The following RNF32 variants were observed in gnomAD, a reference collection of about 807,000 sequenced individuals.
The protein encoded by RNF32 is ring finger protein 32.
Under a neutral mutation model 41.0 loss-of-function variants are expected in RNF32, and 36 were observed. The observed-to-expected ratio is 0.88, with a 90% confidence interval of 0.67 to 1.16. The LOEUF is 1.16. Among genes scored for constraint, RNF32 ranks in the 50% most tolerant of loss-of-function variants. The pLI is 0.00. For missense variants in RNF32, 413 were observed against 436.7 expected, an observed-to-expected ratio of 0.95 and a Z score of 0.48; for synonymous variants, 154 against 160.9, an observed-to-expected ratio of 0.96 and a Z score of 0.32.
rs199688114 is a variant in RNF32, at chr7:156,646,861, G to GT, written c.274+2112dup. Among the ~76,000 whole-genome samples, 376 of 151,814 alleles carry GT rather than the reference G, an allele frequency of 2.5e-3. 11 individuals carry two copies. In the East Asian group the frequency reaches 0.055, roughly 22 times the overall value. On this transcript the variant is annotated intron_variant, in intron 3 of 8. Coordinates refer to ENST00000317955, the MANE Select transcript of RNF32 (RefSeq NM_030936.4). ...TCATGTTGAAATTTCATTTTGTTTT[G>GT]TTTTTTTTGAGATGGAGTCTTGCTC...
chr7:156,651,466 G>A (rs887563343), intron 3 of RNF32, among the ~76,000 whole-genome samples: 30 of 152,024 alleles, frequency 2.0e-4, no homozygotes, highest in Non-Finnish European at 2.9e-4. Flanking sequence ...CACCCACCTC[G>A]GCCTCCCAAA....
At chr7:156,675,134 CGACCCGAAGGGGCAGCGGA>C (rs1563102576) in intron 7 of RNF32, among the ~76,000 whole-genome samples, 4 of 152,028 alleles carry the variant, frequency 2.6e-5, no homozygotes, top group Admixed American at 1.3e-4. Context: ...GAGGCAGCGG[CGACCCGAAGGGGCAGCGGA>C]GACCCGAAGA....
chr7:156,675,902 C>G (rs549168095), intron 8 of RNF32, 39 bp downstream of exon 8: 1 of 1,592,646 alleles, frequency 6.3e-7, no homozygotes, highest in East Asian at 2.2e-5. Flanking sequence ...GCAGACTCAG[C>G]TGCAGCTGCA....
Position 156,676,641 on chromosome 7 carries a change from A to C in RNF32, c.1075A>C (p.Ile359Leu). 8 of 1,613,406 alleles carry C rather than the reference A, an allele frequency of 5.0e-6. No individual in the cohort carries two copies. The highest frequency in any genetic ancestry group is 5.1e-6 in the Non-Finnish European group (6 of 1,179,344). ...CTGCCGCTCCTGCTACCAGAAGAAG[A>C]TTCTTGAATGTTGAATTCATAGTCA... ...PLCRSCYQKK[I>L]LEC Residue 359 changes from isoleucine to leucine, a missense_variant, in exon 9 of 9, where the codon ATT becomes CTT. Ile to Leu is a conservative substitution (Grantham distance 5). Coordinates refer to ENST00000317955, the MANE Select transcript of RNF32 (RefSeq NM_030936.4).
At chr7:156,672,113 T>C (rs1373617460) in intron 7 of RNF32, among the ~76,000 whole-genome samples, 1 of 152,186 alleles carries the variant, frequency 6.6e-6, no homozygotes, top group Non-Finnish European at 1.5e-5. Flanking sequence ...AAGCATTTAT[T>C]TGCTTTCTTG....
chr7:156,644,278 T>A (rs558786632), intron 2 of RNF32, among the ~76,000 whole-genome samples: 1 of 152,234 alleles, frequency 6.6e-6, no homozygotes, highest in Admixed American at 6.5e-5. Flanking sequence ...ATTCATATTA[T>A]AATTAAGGCT....
intron 4 of RNF32, among the ~76,000 whole-genome samples, chr7:156,656,892 G>A (rs1252139608): frequency 5.9e-5 from 9 of 152,240 alleles, no homozygotes; most frequent in Admixed American, 3.9e-4. Flanking sequence ...TGGTGGGCTG[G>A]CGGCTGTCCC....
intron 7 of RNF32, among the ~76,000 whole-genome samples, chr7:156,661,045 G>A (rs1800584898): frequency 6.6e-6 from 1 of 152,212 alleles, no homozygotes; most frequent in Admixed American, 6.5e-5. Context: ...CTAAGTTGAG[G>A]ATGCTGCGCA....
intron 7 of RNF32, among the ~76,000 whole-genome samples, chr7:156,665,660 C>T (rs979561412): frequency 3.9e-5 from 6 of 151,986 alleles, no homozygotes; most frequent in African/African-American, 9.7e-5. Context: ...GGTACGTCAG[C>T]GTCAGCTCCC....
At chr7:156,676,319 G>A in intron 8 of RNF32, 100 bp from the exon 9 acceptor site, 1 of 1,612,418 alleles carries the variant, frequency 6.2e-7, no homozygotes, top group South Asian at 1.1e-5. Flanking sequence ...ATGTTTCGAA[G>A]ACCCATGTCT....
At position 156,677,055 on chromosome 7, in the gene RNF32, G is replaced by A. The variant is rs965848804; in HGVS notation, c.*400G>A. On this transcript the variant is annotated 3_prime_UTR_variant, in exon 9 of 9. Coordinates refer to ENST00000317955, the MANE Select transcript of RNF32 (RefSeq NM_030936.4). ...AAAGCCTTTGCCATTCCTAATACTC[G>A]TTTTGTAATAATTGCTGTATTTCTG... 1.7e-4 allele frequency: 27 copies of A among 161,544 alleles called. No individual in the cohort carries two copies. Among genetic ancestry groups the A allele is most frequent in the Admixed American group, 7.7e-4 (13 of 16,950 alleles). The allele number at this position is 161,544 out of a possible 1,614,324, so 10.0% of individuals were successfully genotyped here.
chr7:156,664,761 T>C (rs1801117995), intron 7 of RNF32, among the ~76,000 whole-genome samples: 1 of 152,208 alleles, frequency 6.6e-6, no homozygotes, highest in Non-Finnish European at 1.5e-5. Context: ...TCAGATGCCT[T>C]TAGAAAAGAC....
intron 7 of RNF32, among the ~76,000 whole-genome samples, chr7:156,663,734 A>G (rs1240674507): frequency 2.0e-5 from 3 of 152,250 alleles, no homozygotes; most frequent in African/African-American, 7.2e-5. Context: ...TAGACAAACA[A>G]TGAAACAGTA....
At chr7:156,647,872 A>G (rs1489979533) in intron 3 of RNF32, among the ~76,000 whole-genome samples, 1 of 152,194 alleles carries the variant, frequency 6.6e-6, no homozygotes, top group Admixed American at 6.5e-5. Flanking sequence ...AGTAATGGTC[A>G]TTCTTGCAGG....
intron 1 of RNF32, among the ~76,000 whole-genome samples, chr7:156,642,345 C>T (rs1797459763): frequency 6.6e-6 from 1 of 152,170 alleles, no homozygotes; most frequent in South Asian, 2.1e-4. Context: ...TACATATGAG[C>T]TCTACATTTA....
chr7:156,655,883 G>A (rs1270376567), intron 4 of RNF32, among the ~76,000 whole-genome samples: 1 of 152,200 alleles, frequency 6.6e-6, no homozygotes, highest in African/African-American at 2.4e-5. Flanking sequence ...TCCAACCCGA[G>A]TGTCTGTATG....
chr7:156,674,195 C>T (rs1275201038), intron 7 of RNF32, among the ~76,000 whole-genome samples: 1 of 152,222 alleles, frequency 6.6e-6, no homozygotes, highest in Non-Finnish European at 1.5e-5. Context: ...GGTGTCCTGG[C>T]TTGCAGGCAA....
rs771521330 is a variant in RNF32, at chr7:156,676,440, G to A, written c.874G>A (p.Glu292Lys). ...QVQALRRETH[E>K]CSICLAPLSA... ...GCAGGCTCTGCGCCGGGAGACCCAC[G>A]AGTGCTCCATCTGCCTGGCCCCTCT... Residue 292 changes from glutamate to lysine, a missense_variant, in exon 9 of 9, where the codon GAG becomes AAG. Physicochemically the swap from Glu to Lys is moderately conservative, Grantham distance 56. Transcript: ENST00000317955. The A allele has an allele frequency of 1.3e-5, 21 of 1,613,926 alleles. No homozygotes were observed. The highest frequency in any genetic ancestry group is 2.2e-5 in the East Asian group (1 of 44,876).
intron 3 of RNF32, among the ~76,000 whole-genome samples, chr7:156,652,603 T>G (rs1798894207): frequency 6.6e-6 from 1 of 152,152 alleles, no homozygotes; most frequent in South Asian, 2.1e-4. Context: ...GTTGAAAAAT[T>G]CCTACCACTT....
Sources: gnomAD v4.1 joint callset for allele counts (sites outside exome capture counted in the v4.1 genomes callset) on GRCh38, gnomAD v4.1.1 for gene constraint, MANE v1.5 for transcripts, NCBI Gene and HGNC (gene_info 2026-07-23, HGNC 2026-07-21) for gene names.